Variants in ING4 observed in about 807,000 individuals in gnomAD.
ING4 encodes the protein inhibitor of growth protein 4.
A neutral mutation model predicts 33.1 loss-of-function variants in ING4; 28 were observed. The ratio of observed to expected loss-of-function variants is 0.85; its 90% CI spans 0.63 to 1.16. The LOEUF (loss-of-function observed/expected upper bound fraction) is 1.16. ING4 is among the 50% of genes most tolerant of loss of function. ING4 has a pLI of 0.00. For synonymous variants in ING4, 87 were observed against 104.4 expected, an observed-to-expected ratio of 0.83 and a Z score of 1.02; for missense variants, 247 against 314.7, an observed-to-expected ratio of 0.78 and a Z score of 1.63.
chr12:6,653,436 G>A, intron 2 of ING4, 40 bp from the exon 3 acceptor site: 3 of 1,578,764 alleles, frequency 1.9e-6, no homozygotes, highest in Admixed American at 1.8e-5. Context: ...TGGCCCCTGA[G>A]TGGCTAGGTG....
chr12:6,653,461 C>A (rs1949250382), intron 2 of ING4, 65 bp from the exon 3 acceptor site: 1 of 1,469,168 alleles, frequency 6.8e-7, no homozygotes, highest in East Asian at 2.3e-5. Context: ...ACATTTCTTC[C>A]TTTTGTTCTT....
intron 3 of ING4, 32 bp from the exon 4 acceptor site, chr12:6,653,082 C>G: frequency 6.2e-7 from 1 of 1,606,704 alleles, no homozygotes. Context: ...AGGAGAGGTA[C>G]AAAACTATCT....
chr12:6,660,350 T>C (rs1450203338), intron 1 of ING4, among the ~76,000 whole-genome samples: 1 of 152,170 alleles, frequency 6.6e-6, no homozygotes, highest in Non-Finnish European at 1.5e-5. Context: ...GGCTCATGCC[T>C]GTAATCCCAG....
rs1555082512 is a variant in ING4, at chr12:6,661,412, T to TTG, written c.37+1652_37+1653insCA. ...TGCCTGGCCACCAGCCTTTGTTTTT[T>TTG]TTTTTTTTTTTTTTTTTGAGAGGGA... On this transcript the variant is annotated intron_variant, in intron 1 of 7. Coordinates refer to ENST00000341550, the MANE Select transcript of ING4 (RefSeq NM_016162.4). Among the ~76,000 whole-genome samples, 45 of 141,384 alleles carry TTG rather than the reference T, an allele frequency of 3.2e-4. 2 individuals carry two copies. Among genetic ancestry groups the TTG allele is most frequent in the South Asian group, 1.1e-3 (5 of 4,358 alleles). 92.8% of individuals were successfully genotyped at this position (141,384 alleles called of 152,430 possible). A position where few individuals can be genotyped will look rare whatever the true frequency, so the allele number is the denominator to read the frequency against.
rs1160200643 is a variant in ING4 at position 6,658,733 on chromosome 12, A to C, written c.38-1935T>G. Among the ~76,000 whole-genome samples, 6 of 152,106 alleles carry C rather than the reference A, an allele frequency of 3.9e-5. No homozygotes were observed. In the East Asian group the frequency reaches 1.2e-3, roughly 29 times the overall value. On this transcript the variant is annotated intron_variant, in intron 1 of 7. Coordinates refer to ENST00000341550, the MANE Select transcript of ING4 (RefSeq NM_016162.4). ...ACACAAAAATAAAAAATGCAAACCT[A>C]ATCAAGTCACTCTCCCGCTTATAAC...
chr12:6,651,282 T>A, intron 7 of ING4, 42 bp downstream of exon 7: 5 of 1,613,794 alleles, frequency 3.1e-6, no homozygotes, highest in Non-Finnish European at 4.2e-6. Context: ...GAGAATGCCC[T>A]TGACCACTCA....
At chr12:6,653,476 C>G in intron 2 of ING4, 80 bp from the exon 3 acceptor site, 2 of 1,370,464 alleles carry the variant, frequency 1.5e-6, no homozygotes, top group South Asian at 2.8e-5. Context: ...GTTCTTTGGA[C>G]CTTTTCCATT....
rs965107019 is a variant in ING4 at position 6,661,708 on chromosome 12, G to A, written c.37+1357C>T. Among the ~76,000 whole-genome samples the A allele has an allele frequency of 3.3e-5, 5 of 151,820 alleles. No homozygotes were observed. The East Asian group carries it at 7.7e-4, about 23-fold the overall frequency. On this transcript the variant is annotated intron_variant, in intron 1 of 7. Transcript: ENST00000341550. The stretch of plus-strand genomic sequence containing the variant: ...CCCAAAGTGCTGAGATTACAGGCAT[G>A]AGCTACTGTGCCCAGCCTGTCTACC...
At chr12:6,653,162 TGAA>T in intron 3 of ING4, 65 bp downstream of exon 3, 1 of 1,601,388 alleles carries the variant, frequency 6.2e-7, no homozygotes, top group Non-Finnish European at 8.5e-7. Context: ...CCAACACAGT[TGAA>T]GGAGGGGTCT....
chr12:6,663,027 C>G, intron 1 of ING4, 38 bp downstream of exon 1: 1 of 1,608,372 alleles, frequency 6.2e-7, no homozygotes, highest in Non-Finnish European at 8.5e-7. Context: ...CCCCGCACCA[C>G]TCTGCAGCCC....
intron 2 of ING4, chr12:6,656,467 G>A: frequency 2.8e-6 from 1 of 353,034 alleles, no homozygotes; most frequent in Non-Finnish European, 5.1e-6. Context: ...GAGCCAGCCT[G>A]GCTAATTATT....
At chr12:6,652,175 C>A (rs984789523) in intron 6 of ING4, 96 bp downstream of exon 6, 1 of 1,400,554 alleles carries the variant, frequency 7.1e-7, no homozygotes, top group Non-Finnish European at 9.8e-7. Context: ...TTCTTCTATT[C>A]TGAAGTCCCA....
chr12:6,656,581 C>T, intron 2 of ING4, 146 bp downstream of exon 2: 1 of 623,846 alleles, frequency 1.6e-6, no homozygotes, highest in Non-Finnish European at 2.8e-6. Flanking sequence ...GATCATTATC[C>T]TGTTTTAAGA....
At chr12:6,659,923 C>T (rs1400513597) in intron 1 of ING4, among the ~76,000 whole-genome samples, 2 of 151,468 alleles carry the variant, frequency 1.3e-5, no homozygotes, top group South Asian at 2.1e-4. Context: ...AGGTTGCAGC[C>T]CGGGCAAAAG....
At chr12:6,657,089 G>C (rs1372962184) in intron 1 of ING4, among the ~76,000 whole-genome samples, 1 of 152,130 alleles carries the variant, frequency 6.6e-6, no homozygotes, top group Non-Finnish European at 1.5e-5. Flanking sequence ...AGGAGGCAGA[G>C]GTTGCAGTGA....
Position 6,656,754 on chromosome 12 carries a change from T to C in ING4, c.82A>G (p.Met28Val). The C allele has an allele frequency of 6.3e-7, 1 of 1,576,522 alleles. No individual in the cohort carries two copies. The change falls in exon 2 of 8, where the codon ATG (methionine) becomes GTG (valine). Residue 28 changes from methionine to valine, a missense_variant. Met to Val is a conservative substitution (Grantham distance 21). This residue lies in a region of ING4 where 198 missense variants were observed against 221.2 expected (regional missense o/e 0.89). Transcript: ENST00000341550. ...TCTGTTCTTTGGTCTAGGTCCCTCA[T>C]GAGCTGAAAGTTTCTCTGTAATTCA... ...PFELQRNFQL[M>V]RDLDQRTEDL...
intron 2 of ING4, chr12:6,655,582 C>T: frequency 9.1e-7 from 1 of 1,097,698 alleles, no homozygotes; most frequent in Non-Finnish European, 1.1e-6. Flanking sequence ...ACTGTCTTTC[C>T]ATGCATGAAC....
rs569548472 is a variant in ING4, at chr12:6,651,948, G to A, written c.645+323C>T. Among the ~76,000 whole-genome samples, 5 of 150,872 alleles carry A rather than the reference G, an allele frequency of 3.3e-5. No individual in the cohort carries two copies. In the South Asian group the frequency reaches 1.0e-3, roughly 32 times the overall value. On this transcript the variant is annotated intron_variant, in intron 6 of 7. Transcript: ENST00000341550. ...GCTCACTGCAACCTCTGCCTCCTAG[G>A]TTCAAGCAATTCTCCTGCCTCTCGC... is the stretch of plus-strand genomic sequence containing the variant.
chr12:6,659,344 C>T (rs1271592386), intron 1 of ING4, among the ~76,000 whole-genome samples: 1 of 150,742 alleles, frequency 6.6e-6, no homozygotes, highest in African/African-American at 2.5e-5. Flanking sequence ...TCACTTGAAG[C>T]CAGGAGTTCA....
Sources: allele counts gnomAD v4.1 joint callset (sites outside exome capture counted in the v4.1 genomes callset), GRCh38; gene constraint gnomAD v4.1.1; regional missense constraint gnomAD v4.1.1; transcripts MANE v1.5; gene names NCBI Gene and HGNC (gene_info 2026-07-23, HGNC 2026-07-21).